MTDH: variants seen among roughly 807,000 people sequenced by gnomAD.
MTDH encodes protein LYRIC.
A neutral mutation model predicts 72.7 loss-of-function variants in MTDH; 34 were observed. That is an observed-to-expected ratio of 0.47 (90% CI 0.36 to 0.62). MTDH has a LOEUF of 0.62. MTDH is among the 20% of genes least tolerant of loss of function. The pLI, the probability that MTDH is intolerant of heterozygous loss-of-function variation, is 0.00. For missense variants in MTDH, 677 were observed against 699.4 expected (o/e 0.97, Z 0.36); for synonymous variants, 266 against 268.9 (o/e 0.99, Z 0.10).
At chr8:97,693,257 A>T (rs1416646436) in intron 6 of MTDH, among the ~76,000 whole-genome samples, 1 of 152,142 alleles carries the variant, frequency 6.6e-6, no homozygotes, top group Non-Finnish European at 1.5e-5. Flanking sequence ...AAAGTACGTA[A>T]ATTATTTTGG....
At position 97,717,632 on chromosome 8, in the gene MTDH, C is replaced by G. The variant is rs577235940; in HGVS notation, c.1381-1417C>G. Among the ~76,000 whole-genome samples, 1,007 of 148,342 alleles carry G rather than the reference C, an allele frequency of 6.8e-3. 16 individuals are homozygous for G. Among genetic ancestry groups the G allele is most frequent in the African/African-American group, 0.023 (923 of 40,822 alleles). ...TATAATAAATTTTTATCCCCCCCCC[C>G]CCAAAAATGGAAATCTTAAAGCTTA... On this transcript the variant is annotated intron_variant, in intron 9 of 11. Coordinates refer to ENST00000336273, the MANE Select transcript of MTDH (RefSeq NM_178812.4).
At chr8:97,663,380 T>C (rs1002996010) in intron 2 of MTDH, among the ~76,000 whole-genome samples, 4 of 152,120 alleles carry the variant, frequency 2.6e-5, no homozygotes, top group African/African-American at 7.2e-5. Flanking sequence ...AGGTGAGGTA[T>C]GTTTGTATGT....
chr8:97,718,526 GTTTTT>G (rs10708788), intron 9 of MTDH, among the ~76,000 whole-genome samples: 1 of 143,806 alleles, frequency 7.0e-6, no homozygotes, highest in African/African-American at 2.5e-5. Context: ...TGTTTTTTTT[GTTTTT>G]TTTTTGTGAG....
chr8:97,658,102 G>A (rs868156260), intron 1 of MTDH, among the ~76,000 whole-genome samples: 1 of 152,040 alleles, frequency 6.6e-6, no homozygotes, highest in Admixed American at 6.5e-5. Flanking sequence ...TGGGATAGGA[G>A]GCTTATTGTT....
intron 2 of MTDH, among the ~76,000 whole-genome samples, chr8:97,674,273 A>G (rs1812755083): frequency 6.6e-6 from 1 of 152,230 alleles, no homozygotes; most frequent in Non-Finnish European, 1.5e-5. Flanking sequence ...GAAAATAACA[A>G]TAGTACCAAG....
intron 2 of MTDH, among the ~76,000 whole-genome samples, chr8:97,663,887 T>G (rs1158292681): frequency 6.6e-6 from 1 of 152,212 alleles, no homozygotes; most frequent in Non-Finnish European, 1.5e-5. Context: ...TTATGTTACC[T>G]GAGCTATTGA....
chr8:97,660,136 G>C (rs899499975), intron 1 of MTDH, among the ~76,000 whole-genome samples: 1 of 152,184 alleles, frequency 6.6e-6, no homozygotes, highest in Non-Finnish European at 1.5e-5. Context: ...TCCAGCCTGG[G>C]CAACAAGAGC....
chr8:97,709,243 G>A (rs951232935), intron 8 of MTDH, among the ~76,000 whole-genome samples: 2 of 151,938 alleles, frequency 1.3e-5, no homozygotes. Context: ...AGAAGGAGGG[G>A]TAAATAAATG....
chr8:97,704,408 T>G (rs1490916222), intron 7 of MTDH, among the ~76,000 whole-genome samples: 1 of 152,144 alleles, frequency 6.6e-6, no homozygotes, highest in Non-Finnish European at 1.5e-5. Flanking sequence ...ATATTTATTA[T>G]TCCAACCTGG....
At chr8:97,669,922 C>CA (rs61250041) in intron 2 of MTDH, among the ~76,000 whole-genome samples, 34,046 of 119,086 alleles carry the variant, frequency 0.29, 5,328 homozygotes, top group African/African-American at 0.45. Context: ...GACTCCATCT[C>CA]AAAAAAAAAA....
rs936328883 is a variant in MTDH, at chr8:97,690,959, A to G, written c.819A>G (p.Ser273=). ...CATTTTCTTTTCTTTAAGTTTCTTC[A>G]GGATTGAATGAAAACCTCACTGTCA... The part of the protein sequence containing the change: ...GKGDSTLQVS[S]GLNENLTVNG... The change falls in exon 6 of 12, where the codon TCA becomes TCG. Residue 273 remains serine (S), a synonymous_variant. Transcript: ENST00000336273. 1 of 1,603,982 alleles carries G rather than the reference A, an allele frequency of 6.2e-7. No individual in the cohort carries two copies. The highest frequency in any genetic ancestry group is 1.3e-5 in the African/African-American group (1 of 74,522).
chr8:97,644,482 G>A lies in MTDH; in HGVS notation c.-25G>A. 2 of 1,546,544 alleles carry A rather than the reference G, an allele frequency of 1.3e-6. No individual in the cohort carries two copies. The highest frequency in any genetic ancestry group is 1.7e-6 in the Non-Finnish European group (2 of 1,155,082). On this transcript the variant is annotated 5_prime_UTR_variant, in exon 1 of 12. Transcript: ENST00000336273. The stretch of plus-strand genomic sequence containing the variant: ...CGTCTCCGCGCCCCGGCGTCATCCT[G>A]CGAGTCCCTCTGACGGGAGGGAAGA...
At chr8:97,703,558 T>G (rs1677929988) in intron 7 of MTDH, among the ~76,000 whole-genome samples, 1 of 152,220 alleles carries the variant, frequency 6.6e-6, no homozygotes, top group Non-Finnish European at 1.5e-5. Context: ...CTGGGTTTCT[T>G]ATCTGTGAGA....
intron 9 of MTDH, among the ~76,000 whole-genome samples, chr8:97,718,364 A>C (rs1030884241): frequency 1.3e-5 from 2 of 152,214 alleles, no homozygotes; most frequent in African/African-American, 4.8e-5. Flanking sequence ...TTGTAGCTAG[A>C]CTGTGGCATG....
At chr8:97,657,255 T>A (rs1182205821) in intron 1 of MTDH, among the ~76,000 whole-genome samples, 1 of 152,218 alleles carries the variant, frequency 6.6e-6, no homozygotes, top group Non-Finnish European at 1.5e-5. Flanking sequence ...AATAAAATGA[T>A]TCTATCATTT....
At chr8:97,710,726 G>A (rs1027882211) in intron 8 of MTDH, among the ~76,000 whole-genome samples, 12 of 149,118 alleles carry the variant, frequency 8.0e-5, no homozygotes, top group African/African-American at 7.4e-5. Context: ...AAGGCCGGGC[G>A]CGGTGGTTCA....
intron 2 of MTDH, among the ~76,000 whole-genome samples, chr8:97,666,008 G>A (rs1248544592): frequency 4.6e-5 from 7 of 152,026 alleles, no homozygotes; most frequent in African/African-American, 1.7e-4. Flanking sequence ...GGCGCCTGTA[G>A]TCCCAGATAC....
At chr8:97,684,293 G>A (rs1371722064) in intron 2 of MTDH, among the ~76,000 whole-genome samples, 1 of 152,050 alleles carries the variant, frequency 6.6e-6, no homozygotes, top group Non-Finnish European at 1.5e-5. Flanking sequence ...CAGTATTATA[G>A]ATACGTTGTG....
intron 1 of MTDH, among the ~76,000 whole-genome samples, chr8:97,648,192 TAC>T (rs1353279533): frequency 1.3e-5 from 2 of 152,150 alleles, no homozygotes; most frequent in Non-Finnish European, 2.9e-5. Context: ...GGGTATGAAT[TAC>T]AGTTTGTTCC....
Sources: allele counts gnomAD v4.1 joint callset (sites outside exome capture counted in the v4.1 genomes callset), GRCh38; gene constraint gnomAD v4.1.1; transcripts MANE v1.5; gene names NCBI Gene and HGNC (gene_info 2026-07-23, HGNC 2026-07-21).